NECTIN3: variants seen among roughly 807,000 people sequenced by gnomAD.
NECTIN3 encodes the protein nectin-3.
A neutral mutation model predicts 49.4 loss-of-function variants in NECTIN3; 8 were observed. That is an observed-to-expected ratio of 0.16 (90% confidence interval 0.10 to 0.29). The LOEUF is 0.29. Among genes scored for constraint, NECTIN3 ranks in the 10% least tolerant of loss-of-function variants. NECTIN3 has a pLI of 1.00. For synonymous variants in NECTIN3, 277 were observed against 241.1 expected (o/e 1.15, Z -1.38); for missense variants, 581 against 654.6 (o/e 0.89, Z 1.23).
chr3:111,078,224 C>A (rs1443878048), intron 1 of NECTIN3, among the ~76,000 whole-genome samples: 1 of 152,040 alleles, frequency 6.6e-6, no homozygotes, highest in East Asian at 1.9e-4. Flanking sequence ...TGGTCTTTAC[C>A]CATAAGGCCT....
At chr3:111,184,531 A>G (rs1257274024) in intron 7 of NECTIN3, among the ~76,000 whole-genome samples, 1 of 152,204 alleles carries the variant, frequency 6.6e-6, no homozygotes, top group Non-Finnish European at 1.5e-5. Flanking sequence ...GCACCTTGAT[A>G]TTGAACTTCC....
chr3:111,121,931 C>T (rs2033973909), intron 3 of NECTIN3, among the ~76,000 whole-genome samples, 190 bp from the exon 4 acceptor site: 2 of 152,096 alleles, frequency 1.3e-5, no homozygotes, highest in Admixed American at 1.3e-4. Flanking sequence ...GGTACTCATT[C>T]TCCATTTTAT....
In NECTIN3 at chr3:111,133,319, A is replaced by G. The variant is rs2034457660; in HGVS notation, c.1070-316A>G. On this transcript the variant is annotated intron_variant, in intron 5 of 5. Transcript: ENST00000485303. ...ATAGGACACTTAAGTAATACTCTTCATTAAAAAAATAAGGACCTCTTTTCT... is the reference window on the plus strand; with the variant it reads ...ATAGGACACTTAAGTAATACTCTTCGTTAAAAAAATAAGGACCTCTTTTCT... Among the ~76,000 whole-genome samples the G allele has an allele frequency of 2.0e-5, 3 of 152,040 alleles. No individual in the cohort carries two copies. The South Asian group carries it at 6.2e-4, about 31-fold the overall frequency.
At chr3:111,169,355 G>T (rs2035389830) in intron 7 of NECTIN3, among the ~76,000 whole-genome samples, 1 of 146,320 alleles carries the variant, frequency 6.8e-6, no homozygotes, top group East Asian at 2.0e-4. Context: ...CTCCCAAAGT[G>T]CTGGGATTAC....
intron 1 of NECTIN3, among the ~76,000 whole-genome samples, chr3:111,096,088 G>A (rs1250539311): frequency 1.3e-5 from 2 of 152,196 alleles, no homozygotes; most frequent in African/African-American, 4.8e-5. Context: ...ACTTCCTAGA[G>A]ACTTGTTGAA....
intron 7 of NECTIN3, among the ~76,000 whole-genome samples, chr3:111,160,495 GTTGGA>G: frequency 6.6e-6 from 1 of 152,244 alleles, no homozygotes. Flanking sequence ...GCCAAACCCA[GTTGGA>G]TTGGATTATC....
chr3:111,182,407 A>G (rs1046186647), intron 7 of NECTIN3, among the ~76,000 whole-genome samples: 6 of 152,110 alleles, frequency 3.9e-5, no homozygotes, highest in Admixed American at 6.6e-5. Flanking sequence ...TCATTTCTAT[A>G]GTAACTAAGA....
chr3:111,150,782 A>G (rs534317009), intron 7 of NECTIN3, among the ~76,000 whole-genome samples: 25 of 152,062 alleles, frequency 1.6e-4, no homozygotes, highest in Middle Eastern at 3.4e-3. Context: ...CAGACATGAA[A>G]ATCAAACTTT....
intron 1 of NECTIN3, among the ~76,000 whole-genome samples, chr3:111,092,435 A>G (rs998866611): frequency 6.6e-6 from 1 of 152,160 alleles, no homozygotes; most frequent in East Asian, 1.9e-4. Flanking sequence ...TGTACCTCTT[A>G]TATTCAGCTC....
At chr3:111,147,608 G>A (rs1471303281) in intron 7 of NECTIN3, 2 of 827,662 alleles carry the variant, frequency 2.4e-6, no homozygotes, top group Admixed American at 2.7e-5. Context: ...TAGTCATTAT[G>A]CATTAAATGT....
chr3:111,161,982 A>C (rs904707137), intron 7 of NECTIN3, among the ~76,000 whole-genome samples: 3 of 152,274 alleles, frequency 2.0e-5, no homozygotes, highest in Non-Finnish European at 4.4e-5. Context: ...TAATACATTG[A>C]ATCGAGAATC....
chr3:111,127,138 G>C (rs2034195541), intron 5 of NECTIN3, among the ~76,000 whole-genome samples: 1 of 152,162 alleles, frequency 6.6e-6, no homozygotes, highest in African/African-American at 2.4e-5. Context: ...AAAAGGAAGA[G>C]AACCTAAGAA....
chr3:111,085,956 C>G (rs1045455653), intron 1 of NECTIN3, among the ~76,000 whole-genome samples: 1 of 152,142 alleles, frequency 6.6e-6, no homozygotes, highest in Non-Finnish European at 1.5e-5. Flanking sequence ...TTCAATTGCT[C>G]TACATTCTCA....
chr3:111,123,725 G>A (rs1052311144), intron 4 of NECTIN3, among the ~76,000 whole-genome samples: 4 of 151,890 alleles, frequency 2.6e-5, no homozygotes, highest in Non-Finnish European at 5.9e-5. Flanking sequence ...TGGATTCTTT[G>A]GACCAAATTG....
chr3:111,180,894 T>C (rs978384390), intron 7 of NECTIN3, among the ~76,000 whole-genome samples: 4 of 152,230 alleles, frequency 2.6e-5, no homozygotes, highest in African/African-American at 9.6e-5. Context: ...CTACCCATGT[T>C]TCTCCAAAAC....
chr3:111,149,459 ATGTGTGTGTGTGTG>A lies in NECTIN3; in HGVS notation c.1221+2011_1221+2024del, dbSNP rs56219611. Among the ~76,000 whole-genome samples, 1,183 of 128,398 alleles carry A rather than the reference ATGTGTGTGTGTGTG, an allele frequency of 9.2e-3. 22 individuals carry two copies. Among genetic ancestry groups the A allele is most frequent in the African/African-American group, 0.029 (1,046 of 36,036 alleles). The allele number at this position is 128,398 out of a possible 152,430, so 84.2% of individuals were successfully genotyped here. A position where few individuals can be genotyped will look rare whatever the true frequency, so the allele number is the denominator to read the frequency against. ...CCAGATAAGCCTCTATTCTGGTAGG[ATGTGTGTGTGTGTG>A]TGTGTGTGTGTGTGTGTGTGTGTGT... On this transcript the variant is annotated intron_variant, in intron 7 of 8. Coordinates refer to the NECTIN3 transcript ENST00000493615.
chr3:111,168,103 G>A (rs1279857990), intron 7 of NECTIN3, among the ~76,000 whole-genome samples: 2 of 152,212 alleles, frequency 1.3e-5, no homozygotes, highest in Middle Eastern at 6.8e-3. Context: ...GAATTTTGGA[G>A]CATTTCAGAT....
At chr3:111,152,206 A>G (rs1211991786) in intron 7 of NECTIN3, among the ~76,000 whole-genome samples, 1 of 151,900 alleles carries the variant, frequency 6.6e-6, no homozygotes, top group Admixed American at 6.6e-5. Flanking sequence ...CCTGGTATAT[A>G]TGCTCTTTTG....
chr3:111,181,212 T>C (rs2035621675), intron 7 of NECTIN3, among the ~76,000 whole-genome samples: 1 of 152,198 alleles, frequency 6.6e-6, no homozygotes, highest in Non-Finnish European at 1.5e-5. Context: ...CTCACATGAA[T>C]GGAATCCCAG....
Sources: gnomAD v4.1 joint callset for allele counts (sites outside exome capture counted in the v4.1 genomes callset) on GRCh38, gnomAD v4.1.1 for gene constraint, MANE v1.5 for transcripts, NCBI Gene and HGNC (gene_info 2026-07-23, HGNC 2026-07-21) for gene names.